SOX6: variants seen among roughly 807,000 people sequenced by gnomAD.
The protein encoded by SOX6 is transcription factor SOX-6.
SOX6 carries 11 observed loss-of-function variants against 97.8 expected under a neutral mutation model. The observed-to-expected ratio is 0.11, with a 90% CI of 0.07 to 0.19. SOX6 has a LOEUF of 0.19. SOX6 is among the 10% of genes least tolerant of loss of function. SOX6 has a pLI of 1.00. For synonymous variants in SOX6, 360 were observed against 371.4 expected, an observed-to-expected ratio of 0.97 and a Z score of 0.35; for missense variants, 810 against 1,039.5, an observed-to-expected ratio of 0.78 and a Z score of 3.04.
chr11:15,998,695 T>C (rs1854306724), intron 13 of SOX6, among the ~76,000 whole-genome samples: 1 of 152,106 alleles, frequency 6.6e-6, no homozygotes, highest in South Asian at 2.1e-4. Flanking sequence ...GATAGTTTTT[T>C]CAACAAATAC....
At chr11:16,388,450 T>C (rs187507331) in intron 1 of SOX6, among the ~76,000 whole-genome samples, 1 of 152,260 alleles carries the variant, frequency 6.6e-6, no homozygotes, top group African/African-American at 2.4e-5. Flanking sequence ...ATTGTTCTAT[T>C]TTTTGAAAGA....
intron 3 of SOX6, among the ~76,000 whole-genome samples, chr11:16,243,790 G>C (rs911441047): frequency 4.6e-5 from 7 of 151,674 alleles, no homozygotes; most frequent in Non-Finnish European, 7.4e-5. Flanking sequence ...TTTGGATATG[G>C]ATTCATTCAC....
At chr11:15,977,794 C>A (rs1054748285) in intron 15 of SOX6, among the ~76,000 whole-genome samples, 1 of 152,022 alleles carries the variant, frequency 6.6e-6, no homozygotes, top group Non-Finnish European at 1.5e-5. Flanking sequence ...CTTCTCTTAG[C>A]CTCCTAGACA....
chr11:16,146,457 C>A (rs1450064208), intron 6 of SOX6, among the ~76,000 whole-genome samples: 8 of 152,164 alleles, frequency 5.3e-5, no homozygotes, highest in Non-Finnish European at 1.0e-4. Context: ...GACTTCATGG[C>A]TAAAACACCA....
intron 3 of SOX6, among the ~76,000 whole-genome samples, chr11:16,249,252 G>C (rs2134196611): frequency 6.6e-6 from 1 of 152,060 alleles, no homozygotes; most frequent in Middle Eastern, 3.4e-3. Flanking sequence ...GCCTCTTCTT[G>C]AACACTTGGC....
At chr11:16,213,438 T>G (rs776290822) in intron 4 of SOX6, among the ~76,000 whole-genome samples, 3 of 152,164 alleles carry the variant, frequency 2.0e-5, no homozygotes, top group Non-Finnish European at 4.4e-5. Context: ...TCAAAATCTG[T>G]ATTAAACACA....
At chr11:16,335,545 C>T (rs183600612) in intron 2 of SOX6, among the ~76,000 whole-genome samples, 2 of 152,126 alleles carry the variant, frequency 1.3e-5, no homozygotes, top group African/African-American at 4.8e-5. Flanking sequence ...CATTTTGGTG[C>T]TGCCTACTAT....
At chr11:16,519,279 C>T (rs1861019593) in intron 4 of SOX6, among the ~76,000 whole-genome samples, 1 of 151,982 alleles carries the variant, frequency 6.6e-6, no homozygotes, top group South Asian at 2.1e-4. Flanking sequence ...CGTTTGGGAT[C>T]CTGTTGACTT....
intron 4 of SOX6, among the ~76,000 whole-genome samples, chr11:16,522,556 G>A (rs1445624847): frequency 6.6e-6 from 1 of 151,774 alleles, no homozygotes; most frequent in Non-Finnish European, 1.5e-5. Context: ...TCGAGACTAG[G>A]AAGAAACTGC....
At chr11:16,624,734 T>A (rs982768957) in intron 3 of SOX6, among the ~76,000 whole-genome samples, 1 of 152,232 alleles carries the variant, frequency 6.6e-6, no homozygotes, top group Admixed American at 6.5e-5. Flanking sequence ...CATTTTATAT[T>A]CCCACCAGCA....
chr11:16,556,471 A>C (rs1037312510), intron 4 of SOX6, among the ~76,000 whole-genome samples: 1 of 151,816 alleles, frequency 6.6e-6, no homozygotes, highest in African/African-American at 2.4e-5. Context: ...ATTCAAATAC[A>C]ATTAAAAGAT....
chr11:16,199,690 A>T (rs762748021), intron 4 of SOX6, among the ~76,000 whole-genome samples: 4 of 152,208 alleles, frequency 2.6e-5, no homozygotes, highest in Non-Finnish European at 5.9e-5. Flanking sequence ...GATAATTACA[A>T]TTTAATGTTA....
At chr11:16,317,985 G>A (rs117318727) in intron 3 of SOX6, 6 of 452,732 alleles carry the variant, frequency 1.3e-5, no homozygotes, top group Non-Finnish European at 2.7e-5. Flanking sequence ...AATGTTTGAA[G>A]CCCTCTAACT....
At chr11:16,325,072 C>G (rs1177705495) in intron 2 of SOX6, among the ~76,000 whole-genome samples, 1 of 152,042 alleles carries the variant, frequency 6.6e-6, no homozygotes, top group Non-Finnish European at 1.5e-5. Context: ...GTTAATGGCC[C>G]TCTGAGTATT....
chr11:16,144,183 C>T (rs976263290), intron 6 of SOX6, among the ~76,000 whole-genome samples: 9 of 152,282 alleles, frequency 5.9e-5, no homozygotes, highest in Admixed American at 4.6e-4. Context: ...AACTAGAACT[C>T]AAGATTAAGA....
At chr11:16,439,181 T>A (rs1450291734) in intron 1 of SOX6, among the ~76,000 whole-genome samples, 2 of 152,298 alleles carry the variant, frequency 1.3e-5, no homozygotes, top group South Asian at 2.1e-4. Flanking sequence ...TTTATCAGAA[T>A]AATTATGCTA....
At chr11:16,266,817 A>G (rs1370353338) in intron 3 of SOX6, among the ~76,000 whole-genome samples, 2 of 151,522 alleles carry the variant, frequency 1.3e-5, no homozygotes, top group African/African-American at 4.8e-5. Flanking sequence ...TATACATGGT[A>G]TTATTTTAAA....
intron 2 of SOX6, among the ~76,000 whole-genome samples, chr11:16,322,117 A>G (rs1855945430): frequency 6.6e-6 from 1 of 152,168 alleles, no homozygotes; most frequent in Non-Finnish European, 1.5e-5. Context: ...GTAATTTCTT[A>G]AGAACAGAAC....
In SOX6 at chr11:16,691,117, T is replaced by C. The variant is rs543481121; in HGVS notation, n.429+23713A>G. ...TCAAAATTGAGGATCATTCCTGTTT[T>C]CATGACCCTCCTTGGAGTTAGTTGG... is the stretch of plus-strand genomic sequence containing the variant. On this transcript the variant is annotated intron_variant and non_coding_transcript_variant, in intron 3 of 5. Transcript: ENST00000524520. Among the ~76,000 whole-genome samples the C allele has an allele frequency of 2.0e-5, 3 of 152,346 alleles. No homozygotes were observed. In the East Asian group the frequency reaches 5.8e-4, roughly 29 times the overall value.
Sources: allele counts gnomAD v4.1 joint callset (sites outside exome capture counted in the v4.1 genomes callset), GRCh38; gene constraint gnomAD v4.1.1; transcripts MANE v1.5; gene names NCBI Gene and HGNC (gene_info 2026-07-23, HGNC 2026-07-21).